C12orf54: variants seen among roughly 807,000 people sequenced by gnomAD.
The protein encoded by C12orf54 is uncharacterized protein C12orf54.
A neutral mutation model predicts 26.4 loss-of-function variants in C12orf54; 24 were observed. The ratio of observed to expected loss-of-function variants is 0.91; its 90% CI spans 0.66 to 1.28. C12orf54 has a LOEUF of 1.28. Ranked by LOEUF, C12orf54 falls within the 50% of genes most tolerant of loss-of-function variation. The probability of loss-of-function intolerance (pLI) is 0.00; values close to 1 mark genes in which losing one functional copy is unlikely to be tolerated. For synonymous variants in C12orf54, 54 were observed against 47.0 expected (o/e 1.15, Z -0.61); for missense variants, 154 against 150.9 (o/e 1.02, Z -0.11).
the C12orf54 span, among the ~76,000 whole-genome samples, chr12:48,420,839 T>C: frequency 8.5e-5 from 13 of 152,214 alleles, no homozygotes; most frequent in African/African-American, 3.1e-4. Flanking sequence ...TTGAATAAAG[T>C]CTACCTTGCC....
the C12orf54 span, among the ~76,000 whole-genome samples, chr12:48,463,399 C>T: frequency 2.0e-5 from 3 of 151,848 alleles, no homozygotes. Flanking sequence ...CTGAACAGAC[C>T]AATAATGATC....
the C12orf54 span, among the ~76,000 whole-genome samples, chr12:48,470,921 T>A: frequency 6.6e-6 from 1 of 152,188 alleles, no homozygotes. Context: ...ACATCATGGA[T>A]AATGGAGTAT....
chr12:48,458,761 A>G, the C12orf54 span, among the ~76,000 whole-genome samples: 1 of 150,834 alleles, frequency 6.6e-6, no homozygotes, highest in Non-Finnish European at 1.5e-5. Flanking sequence ...CAAACCTCAT[A>G]CCTCATCCTG....
At chr12:48,478,190 T>C (rs1296134522), upstream of C12orf54, among the ~76,000 whole-genome samples, 3 of 152,256 alleles carry the variant, frequency 2.0e-5, no homozygotes, top group East Asian at 5.8e-4. Flanking sequence ...TTTGACAAAA[T>C]TCAACAATGC....
chr12:48,494,090 G>GCA (rs1555142996), intron 7 of C12orf54, among the ~76,000 whole-genome samples: 2 of 46,782 alleles, frequency 4.3e-5, no homozygotes, highest in African/African-American at 9.1e-5. Flanking sequence ...GTGGTGGCAG[G>GCA]TGCCTGTAAC....
At chr12:48,414,871 T>C in the C12orf54 span, among the ~76,000 whole-genome samples, 1 of 152,188 alleles carries the variant, frequency 6.6e-6, no homozygotes, top group South Asian at 2.1e-4. Context: ...CAGGACCTGA[T>C]CTTCACTATA....
chr12:48,449,616 A>T, the C12orf54 span, among the ~76,000 whole-genome samples: 1 of 152,214 alleles, frequency 6.6e-6, no homozygotes, highest in African/African-American at 2.4e-5. Context: ...ATGTTAAGAA[A>T]GTTCCTTACT....
At chr12:48,469,646 T>A in the C12orf54 span, among the ~76,000 whole-genome samples, 1 of 152,186 alleles carries the variant, frequency 6.6e-6, no homozygotes, top group Admixed American at 6.5e-5. Flanking sequence ...TAGGAAATTA[T>A]AAGAGTATTG....
the C12orf54 span, among the ~76,000 whole-genome samples, chr12:48,477,277 G>A: frequency 6.6e-6 from 1 of 152,124 alleles, no homozygotes; most frequent in South Asian, 2.1e-4. Flanking sequence ...AGCACTAAAT[G>A]CCCACAAGAG....
At chr12:48,424,105 C>G in the C12orf54 span, among the ~76,000 whole-genome samples, 1 of 152,004 alleles carries the variant, frequency 6.6e-6, no homozygotes, top group Non-Finnish European at 1.5e-5. Flanking sequence ...TTTAGATGAT[C>G]ATATGCTTTT....
the C12orf54 span, among the ~76,000 whole-genome samples, chr12:48,424,511 A>G: frequency 6.6e-6 from 1 of 151,080 alleles, no homozygotes; most frequent in Non-Finnish European, 1.5e-5. Context: ...CAATTTTTTT[A>G]TGCTCACTAG....
chr12:48,436,669 G>A, the C12orf54 span, among the ~76,000 whole-genome samples: 4 of 152,128 alleles, frequency 2.6e-5, no homozygotes, highest in East Asian at 3.9e-4. Context: ...GGTACATAAC[G>A]AAATCAAGGC....
At chr12:48,414,380 T>G in the C12orf54 span, among the ~76,000 whole-genome samples, 4 of 152,238 alleles carry the variant, frequency 2.6e-5, no homozygotes, top group South Asian at 8.3e-4. Flanking sequence ...AAATCTGGTT[T>G]TCTTTTCCAA....
At chr12:48,422,453 G>C in the C12orf54 span, among the ~76,000 whole-genome samples, 1 of 152,118 alleles carries the variant, frequency 6.6e-6, no homozygotes, top group African/African-American at 2.4e-5. Context: ...ATGCTTTTTA[G>C]CTTTCTACAC....
chr12:48,453,927 T>G, the C12orf54 span, among the ~76,000 whole-genome samples: 2 of 151,928 alleles, frequency 1.3e-5, no homozygotes, highest in Non-Finnish European at 2.9e-5. Flanking sequence ...AAAAAAGAAG[T>G]GCCTTCTTTT....
the C12orf54 span, chr12:48,472,728 C>A: frequency 1.2e-6 from 2 of 1,614,148 alleles, no homozygotes; most frequent in South Asian, 1.1e-5. Context: ...TGTGAAAGAA[C>A]TTTTCCTGGA....
At chr12:48,419,862 T>TTC in the C12orf54 span, among the ~76,000 whole-genome samples, 1 of 152,212 alleles carries the variant, frequency 6.6e-6, no homozygotes, top group Non-Finnish European at 1.5e-5. Flanking sequence ...AGGAAAAGAC[T>TTC]TCTTTTGTCT....
the C12orf54 span, among the ~76,000 whole-genome samples, chr12:48,463,884 C>G: frequency 6.6e-6 from 1 of 152,128 alleles, no homozygotes; most frequent in South Asian, 2.1e-4. Context: ...ATTCAACCCC[C>G]TTTCATGTTA....
chr12:48,454,046 A>T, the C12orf54 span, among the ~76,000 whole-genome samples: 1 of 150,894 alleles, frequency 6.6e-6, no homozygotes, highest in Admixed American at 6.6e-5. Context: ...GCTCTAAATT[A>T]TAGGAAGGAA....
Sources: gnomAD v4.1 joint callset for allele counts (sites outside exome capture counted in the v4.1 genomes callset) on GRCh38, gnomAD v4.1.1 for gene constraint, MANE v1.5 for transcripts, NCBI Gene and HGNC (gene_info 2026-07-23, HGNC 2026-07-21) for gene names.